The following PRICKLE2 variants were observed in gnomAD, a reference collection of about 807,000 sequenced individuals.
PRICKLE2 encodes prickle-like protein 2.
In PRICKLE2, 21 loss-of-function variants were observed where a neutral mutation model predicts 81.4. The observed-to-expected ratio is 0.26, with a 90% CI of 0.18 to 0.37. The LOEUF (loss-of-function observed/expected upper bound fraction) is 0.37, where lower values mean the gene tolerates loss of function less well. Among genes scored for constraint, PRICKLE2 ranks in the 10% least tolerant of loss-of-function variants. The pLI is 1.00. For missense variants in PRICKLE2, 940 were observed against 1,109.0 expected (o/e 0.85, Z 2.16); for synonymous variants, 456 against 421.5 (o/e 1.08, Z -1.00).
intron 2 of PRICKLE2, among the ~76,000 whole-genome samples, chr3:64,263,672 T>C (rs1021287148): frequency 2.6e-5 from 4 of 152,028 alleles, no homozygotes; most frequent in Admixed American, 6.6e-5. Context: ...GTGGGAGGCA[T>C]TATGGATTGG....
At chr3:64,110,801 G>A (rs1282288282) in intron 7 of PRICKLE2, among the ~76,000 whole-genome samples, 1 of 151,962 alleles carries the variant, frequency 6.6e-6, no homozygotes, top group Non-Finnish European at 1.5e-5. Context: ...CTCAGAAGGT[G>A]AAAAGGAGCC....
chr3:64,165,904 G>C lies in PRICKLE2; in HGVS notation c.145-2775C>G, dbSNP rs1683895405. Among the ~76,000 whole-genome samples, 4 of 151,692 alleles carry C rather than the reference G, an allele frequency of 2.6e-5. No homozygotes were observed. The South Asian group carries it at 8.3e-4, about 32-fold the overall frequency. On this transcript the variant is annotated intron_variant, in intron 2 of 7. Coordinates refer to ENST00000638394, the MANE Select transcript of PRICKLE2 (RefSeq NM_198859.4). Reference sequence around the variant, plus strand: ...CAAAGCAAGAAAAATACGTTGCAAGGAATACAATGGTATTAAAGCTAGTTT... The same window carrying C: ...CAAAGCAAGAAAAATACGTTGCAAGCAATACAATGGTATTAAAGCTAGTTT...
At chr3:64,255,409 C>T (rs2079511735) in intron 2 of PRICKLE2, among the ~76,000 whole-genome samples, 1 of 152,184 alleles carries the variant, frequency 6.6e-6, no homozygotes, top group Non-Finnish European at 1.5e-5. Context: ...GGGAATGTTG[C>T]CATCCTTCCT....
At position 64,199,757 on chromosome 3, in the gene PRICKLE2, C is replaced by T. The variant is rs535691193; in HGVS notation, c.-40-790G>A. The T allele has an allele frequency of 7.2e-5, 11 of 152,156 alleles. No homozygotes were observed. The East Asian group carries it at 2.1e-3, about 29-fold the overall frequency. 9.4% of individuals were successfully genotyped at this position (152,156 alleles called of 1,614,324 possible). On this transcript the variant is annotated intron_variant, in intron 1 of 7. Coordinates refer to ENST00000638394, the MANE Select transcript of PRICKLE2 (RefSeq NM_198859.4). ...ATCCATAGCTACAGAAATGATGAAGCAATAAATATGTTGATGTCAGCAACA... is the reference window on the plus strand; with the variant it reads ...ATCCATAGCTACAGAAATGATGAAGTAATAAATATGTTGATGTCAGCAACA...
chr3:64,148,726 G>A (rs1484439022), intron 6 of PRICKLE2, among the ~76,000 whole-genome samples: 1 of 152,178 alleles, frequency 6.6e-6, no homozygotes, highest in Non-Finnish European at 1.5e-5. Context: ...GCCCAAGGGA[G>A]CCTGTTTGCT....
chr3:64,153,027 C>T (rs1361737210), intron 6 of PRICKLE2, among the ~76,000 whole-genome samples, 155 bp downstream of exon 6: 1 of 152,170 alleles, frequency 6.6e-6, no homozygotes, highest in Non-Finnish European at 1.5e-5. Flanking sequence ...TACTTCTTGG[C>T]CTTTCTAGTG....
upstream of PRICKLE2, among the ~76,000 whole-genome samples, chr3:64,226,353 T>C (rs1224426353): frequency 6.6e-6 from 1 of 152,186 alleles, no homozygotes. Context: ...AAGGAATCTA[T>C]ACATTTGGAG....
At chr3:64,204,948 C>A (rs563058016) in intron 1 of PRICKLE2, among the ~76,000 whole-genome samples, 1 of 152,252 alleles carries the variant, frequency 6.6e-6, no homozygotes, top group Non-Finnish European at 1.5e-5. Context: ...AAAATGCACA[C>A]AGCAACACCC....
intron 2 of PRICKLE2, among the ~76,000 whole-genome samples, chr3:64,168,778 C>T (rs1157779566): frequency 1.3e-5 from 2 of 152,184 alleles, no homozygotes; most frequent in African/African-American, 2.4e-5. Flanking sequence ...TACCCAGATA[C>T]AGTAGATTCC....
At chr3:64,260,698 C>T (rs111584240) in intron 2 of PRICKLE2, among the ~76,000 whole-genome samples, 21 of 152,276 alleles carry the variant, frequency 1.4e-4, no homozygotes, top group South Asian at 4.1e-4. Flanking sequence ...TTTTAGAATA[C>T]GCAACCCTTT....
chr3:64,113,689 T>C (rs1279610198), intron 7 of PRICKLE2, among the ~76,000 whole-genome samples: 1 of 152,114 alleles, frequency 6.6e-6, no homozygotes, highest in Non-Finnish European at 1.5e-5. Context: ...GGAGCTTTGG[T>C]GGGCATAAAG....
intron 2 of PRICKLE2, among the ~76,000 whole-genome samples, chr3:64,265,015 T>C (rs534517096): frequency 1.3e-4 from 20 of 152,312 alleles, no homozygotes; most frequent in Non-Finnish European, 2.5e-4. Context: ...AGTACCTGCG[T>C]CTGTTCCCTC....
At chr3:64,204,331 C>T (rs1399258356) in intron 1 of PRICKLE2, among the ~76,000 whole-genome samples, 1 of 152,150 alleles carries the variant, frequency 6.6e-6, no homozygotes, top group Admixed American at 6.5e-5. Flanking sequence ...ACTCTTCCAT[C>T]AGTCCTCCAG....
chr3:64,204,494 C>A (rs1217392843), intron 1 of PRICKLE2, among the ~76,000 whole-genome samples: 1 of 152,034 alleles, frequency 6.6e-6, no homozygotes, highest in Non-Finnish European at 1.5e-5. Flanking sequence ...CTCTAACTGA[C>A]CACTGAAGCA....
intron 7 of PRICKLE2, among the ~76,000 whole-genome samples, chr3:64,122,984 C>T (rs1469492604): frequency 6.6e-6 from 1 of 152,126 alleles, no homozygotes; most frequent in African/African-American, 2.4e-5. Flanking sequence ...CTTACAACCC[C>T]AAAATATCAG....
chr3:64,223,351 A>G (rs527580626), intron 1 of PRICKLE2, among the ~76,000 whole-genome samples: 5 of 152,330 alleles, frequency 3.3e-5, no homozygotes, highest in African/African-American at 9.6e-5. Flanking sequence ...ACTGGCAGGA[A>G]TGGGTAGCTT....
chr3:64,098,907 A>C lies in PRICKLE2; in HGVS notation c.*144T>G. ...GTGACTACCTATTGAGTCAACCTGT[A>C]ACCTTGCCTCCATCTACTGACAGCA... is the stretch of plus-strand genomic sequence containing the variant. On this transcript the variant is annotated 3_prime_UTR_variant, in exon 8 of 8. Transcript: ENST00000638394. 1.2e-6 allele frequency: 1 copy of C among 855,658 alleles called. No individual in the cohort carries two copies. Among genetic ancestry groups the C allele is most frequent in the East Asian group, 2.5e-5 (1 of 39,816 alleles). The allele number at this position is 855,658 out of a possible 1,614,324, so 53.0% of individuals were successfully genotyped here. A position where few individuals can be genotyped will look rare whatever the true frequency, so the allele number is the denominator to read the frequency against.
chr3:64,136,950 A>G (rs559330908), intron 7 of PRICKLE2, among the ~76,000 whole-genome samples: 1 of 152,368 alleles, frequency 6.6e-6, no homozygotes, highest in South Asian at 2.1e-4. Context: ...GATGGTTACA[A>G]ATGCCACACA....
At chr3:64,141,668 T>C (rs1354396497) in intron 7 of PRICKLE2, 1 of 286,114 alleles carries the variant, frequency 3.5e-6, no homozygotes, top group East Asian at 1.7e-4. Context: ...GAGAAGGGAC[T>C]GTACACTCCC....
Sources: allele counts gnomAD v4.1 joint callset (sites outside exome capture counted in the v4.1 genomes callset), GRCh38; gene constraint gnomAD v4.1.1; transcripts MANE v1.5; gene names NCBI Gene and HGNC (gene_info 2026-07-23, HGNC 2026-07-21).